ULK4: variants seen among roughly 807,000 people sequenced by gnomAD.
The protein encoded by ULK4 is inactive serine/threonine-protein kinase ULK4.
In ULK4, 133 loss-of-function variants were observed where a neutral mutation model predicts 160.6. The ratio of observed to expected loss-of-function variants is 0.83; its 90% CI spans 0.72 to 0.96. The LOEUF (loss-of-function observed/expected upper bound fraction) is 0.96. ULK4 is among the 40% of genes least tolerant of loss of function. The probability of loss-of-function intolerance (pLI) is 0.00; values close to 1 mark genes in which losing one functional copy is unlikely to be tolerated. For missense variants in ULK4, 1,580 were observed against 1,499.5 expected (o/e 1.05, Z -0.89); for synonymous variants, 534 against 539.8 (o/e 0.99, Z 0.15).
At chr3:41,484,301 G>A (rs562045174) in intron 32 of ULK4, among the ~76,000 whole-genome samples, 3 of 151,988 alleles carry the variant, frequency 2.0e-5, no homozygotes, top group African/African-American at 7.2e-5. Context: ...TTGTTTTGTG[G>A]GAAAAATTTT....
At chr3:41,757,734 A>G (rs2038854445) in intron 21 of ULK4, among the ~76,000 whole-genome samples, 1 of 150,520 alleles carries the variant, frequency 6.6e-6, no homozygotes, top group Admixed American at 6.6e-5. Flanking sequence ...CCTGGGTTCA[A>G]GTGATTCTCC....
chr3:41,354,424 C>T (rs2080987990), intron 35 of ULK4, among the ~76,000 whole-genome samples: 1 of 152,146 alleles, frequency 6.6e-6, no homozygotes, highest in Non-Finnish European at 1.5e-5. Flanking sequence ...ATAAATCAAG[C>T]CTCTCTGGCT....
At chr3:41,732,625 C>T (rs1293595480) in intron 22 of ULK4, among the ~76,000 whole-genome samples, 1 of 152,028 alleles carries the variant, frequency 6.6e-6, no homozygotes, top group East Asian at 1.9e-4. Flanking sequence ...GGGTATTTAT[C>T]CAAAGAAAAA....
intron 30 of ULK4, among the ~76,000 whole-genome samples, chr3:41,652,909 T>C (rs1361432253): frequency 1.3e-5 from 2 of 152,212 alleles, no homozygotes; most frequent in African/African-American, 4.8e-5. Flanking sequence ...TTGCTTCACA[T>C]TGATTGTGGG....
At chr3:41,931,769 C>G in intron 5 of ULK4, 75 bp downstream of exon 5, 1 of 1,523,196 alleles carries the variant, frequency 6.6e-7, no homozygotes, top group Non-Finnish European at 8.9e-7. Context: ...AAAAGACTGA[C>G]ATTGTCTCCT....
chr3:41,805,801 T>C (rs2040625059), intron 19 of ULK4, among the ~76,000 whole-genome samples: 1 of 147,942 alleles, frequency 6.8e-6, no homozygotes, highest in African/African-American at 2.5e-5. Context: ...GATTTGCGTA[T>C]ATTGAACCAG....
intron 17 of ULK4, among the ~76,000 whole-genome samples, chr3:41,847,327 G>A (rs1359871489): frequency 6.6e-6 from 1 of 152,170 alleles, no homozygotes; most frequent in African/African-American, 2.4e-5. Flanking sequence ...TAATTTGCTT[G>A]CTCTTGACTC....
intron 30 of ULK4, among the ~76,000 whole-genome samples, chr3:41,647,652 C>A (rs1405691058): frequency 2.0e-5 from 3 of 152,220 alleles, no homozygotes; most frequent in South Asian, 4.1e-4. Context: ...GGGTCAGGGA[C>A]CCACTTGAGG....
chr3:41,630,793 C>G (rs952573386), intron 30 of ULK4, among the ~76,000 whole-genome samples: 1 of 152,158 alleles, frequency 6.6e-6, no homozygotes, highest in Non-Finnish European at 1.5e-5. Context: ...ATATTTGGTT[C>G]TCTGAATAAG....
intron 32 of ULK4, among the ~76,000 whole-genome samples, chr3:41,534,221 T>C (rs1244834758): frequency 6.6e-6 from 1 of 152,202 alleles, no homozygotes; most frequent in Non-Finnish European, 1.5e-5. Flanking sequence ...AATGAGTAGT[T>C]TGATTTCTGA....
At chr3:41,515,922 T>A (rs1238823723) in intron 32 of ULK4, among the ~76,000 whole-genome samples, 2 of 152,202 alleles carry the variant, frequency 1.3e-5, no homozygotes, top group Non-Finnish European at 2.9e-5. Context: ...TGATGAACAC[T>A]GTCTGAGAAG....
chr3:41,827,929 C>T (rs1363539128), intron 18 of ULK4, among the ~76,000 whole-genome samples: 1 of 152,012 alleles, frequency 6.6e-6, no homozygotes, highest in Admixed American at 6.6e-5. Flanking sequence ...AATCCAGCAG[C>T]ACATCAAAAA....
chr3:41,546,842 C>T (rs2086880944), intron 32 of ULK4, among the ~76,000 whole-genome samples: 1 of 150,932 alleles, frequency 6.6e-6, no homozygotes, highest in Admixed American at 6.6e-5. Context: ...ACTCAAGGAC[C>T]ACAGCCTTAT....
At chr3:41,708,337 G>A (rs911205833) in intron 25 of ULK4, among the ~76,000 whole-genome samples, 7 of 152,186 alleles carry the variant, frequency 4.6e-5, no homozygotes, top group Middle Eastern at 3.4e-3. Context: ...AAATATACAC[G>A]ATGGAATTGT....
At chr3:41,729,983 C>A (rs180780085) in intron 22 of ULK4, among the ~76,000 whole-genome samples, 77 of 152,174 alleles carry the variant, frequency 5.1e-4, no homozygotes, top group Non-Finnish European at 1.0e-3. Context: ...AACTAAAAAT[C>A]AGTAACAGGA....
At chr3:41,477,822 T>A (rs948366668) in intron 32 of ULK4, among the ~76,000 whole-genome samples, 1 of 152,192 alleles carries the variant, frequency 6.6e-6, no homozygotes, top group Non-Finnish European at 1.5e-5. Context: ...ACCACTCACA[T>A]ACGGCATGGC....
At chr3:41,548,015 CAT>C (rs2086923727) in intron 32 of ULK4, among the ~76,000 whole-genome samples, 1 of 152,272 alleles carries the variant, frequency 6.6e-6, no homozygotes, top group South Asian at 2.1e-4. Context: ...AGGGCTATTG[CAT>C]ACTTGCAAGT....
intron 22 of ULK4, among the ~76,000 whole-genome samples, chr3:41,733,007 G>T (rs2037885292): frequency 6.6e-6 from 1 of 152,038 alleles, no homozygotes; most frequent in African/African-American, 2.4e-5. Flanking sequence ...ATTACAGTTC[G>T]ATAGGGAAAA....
chr3:41,869,271 C>CATAATATA lies in ULK4; in HGVS notation c.1656+14602_1656+14603insTATATTAT, dbSNP rs552774802. ...TGTAAGAACATATACAATATTAGCT[C>CATAATATA]ATAATATTATATTATGGGCTATACA... On this transcript the variant is annotated intron_variant, in intron 17 of 36. Coordinates refer to ENST00000301831, the MANE Select transcript of ULK4 (RefSeq NM_017886.4). Among the ~76,000 whole-genome samples, 278 of 152,028 alleles carry CATAATATA rather than the reference C, an allele frequency of 1.8e-3. 1 individual carries two copies. The highest frequency in any genetic ancestry group is 3.2e-3 in the Non-Finnish European group (220 of 67,998).
Sources: gnomAD v4.1 joint callset for allele counts (sites outside exome capture counted in the v4.1 genomes callset) on GRCh38, gnomAD v4.1.1 for gene constraint, MANE v1.5 for transcripts, NCBI Gene and HGNC (gene_info 2026-07-23, HGNC 2026-07-21) for gene names.